PSAP: variants seen among roughly 807,000 people sequenced by gnomAD.
PSAP encodes prosaposin.
Under a neutral mutation model 66.0 loss-of-function variants are expected in PSAP, and 25 were observed. That is an observed-to-expected ratio of 0.38 (90% CI 0.28 to 0.53). The LOEUF is 0.53. Ranked by LOEUF, PSAP falls within the 20% of genes least tolerant of loss-of-function variation. The pLI is 0.83. For missense variants in PSAP, 649 were observed against 668.8 expected (o/e 0.97, Z 0.33); for synonymous variants, 273 against 258.9 (o/e 1.05, Z -0.52).
chr10:71,835,158 C>T (rs966504918), intron 1 of PSAP, among the ~76,000 whole-genome samples: 25 of 151,666 alleles, frequency 1.6e-4, no homozygotes, highest in African/African-American at 5.1e-4. Context: ...AGGAGAATGG[C>T]GTGAATCCGG....
At chr10:71,851,094 C>CA in intron 1 of PSAP, 88 bp downstream of exon 1, 2 of 1,451,626 alleles carry the variant, frequency 1.4e-6, no homozygotes, top group South Asian at 2.4e-5. Context: ...GCAGGGGGAG[C>CA]AGAGGGGCCA....
At chr10:71,850,047 A>G (rs1842898309) in intron 1 of PSAP, among the ~76,000 whole-genome samples, 1 of 124,606 alleles carries the variant, frequency 8.0e-6, no homozygotes, top group Non-Finnish European at 1.8e-5. Context: ...ATAACATTTT[A>G]TAAGACAAGG....
At chr10:71,840,929 GTTCA>G (rs1320526578) in intron 1 of PSAP, among the ~76,000 whole-genome samples, 1 of 152,228 alleles carries the variant, frequency 6.6e-6, no homozygotes, top group Non-Finnish European at 1.5e-5. Context: ...TTCCTAACTA[GTTCA>G]TTCAAGGGTA....
intron 1 of PSAP, among the ~76,000 whole-genome samples, chr10:71,841,689 A>G (rs1842736270): frequency 6.6e-6 from 1 of 152,194 alleles, no homozygotes; most frequent in African/African-American, 2.4e-5. Flanking sequence ...TGGGCAACAT[A>G]GTGAAACCCC....
chr10:71,842,774 A>G (rs1842751770), intron 1 of PSAP, among the ~76,000 whole-genome samples: 1 of 152,226 alleles, frequency 6.6e-6, no homozygotes, highest in South Asian at 2.1e-4. Context: ...CAACTATTAT[A>G]AAAGTCAACA....
At chr10:71,846,198 G>A (rs750304545) in intron 1 of PSAP, among the ~76,000 whole-genome samples, 5 of 152,048 alleles carry the variant, frequency 3.3e-5, no homozygotes, top group Admixed American at 1.3e-4. Flanking sequence ...GATGAAATAC[G>A]GGAGAGTTTA....
intron 11 of PSAP, 142 bp from the exon 12 acceptor site, chr10:71,819,253 T>C: frequency 2.0e-6 from 2 of 1,023,276 alleles, no homozygotes; most frequent in East Asian, 2.6e-5. Context: ...GGCCTCCCTT[T>C]CCAGACACCC....
chr10:71,829,563 A>T (rs1308711501), intron 4 of PSAP, among the ~76,000 whole-genome samples: 1 of 152,092 alleles, frequency 6.6e-6, no homozygotes, highest in African/African-American at 2.4e-5. Context: ...AGGCCCCCCC[A>T]GCCACGTGGA....
chr10:71,841,757 G>A (rs1028051770), intron 1 of PSAP, among the ~76,000 whole-genome samples: 3 of 152,130 alleles, frequency 2.0e-5, no homozygotes, highest in African/African-American at 7.2e-5. Flanking sequence ...TGTAATTCCA[G>A]CACTTTGGGA....
intron 9 of PSAP, 146 bp from the exon 10 acceptor site, chr10:71,820,046 C>T: frequency 1.1e-6 from 1 of 921,772 alleles, no homozygotes; most frequent in Admixed American, 2.0e-5. Flanking sequence ...CAAAGCAGGG[C>T]AATGGTGTCC....
chr10:71,817,140 C>T lies in PSAP; in HGVS notation c.*301G>A, dbSNP rs1345972030. On this transcript the variant is annotated 3_prime_UTR_variant, in exon 14 of 14. Transcript: ENST00000394936. ...ATGGCCTCCAGTCAAGAAACTGTGGCTCATGCCAGCAGAGCTCTCTCCTCC... is the reference window on the plus strand; with the variant it reads ...ATGGCCTCCAGTCAAGAAACTGTGGTTCATGCCAGCAGAGCTCTCTCCTCC... 4.1e-6 allele frequency: 2 copies of T among 493,242 alleles called. No individual in the cohort carries two copies. The highest frequency in any genetic ancestry group is 3.8e-5 in the East Asian group (1 of 26,162). 30.6% of individuals were successfully genotyped at this position (493,242 alleles called of 1,614,324 possible). A position where few individuals can be genotyped will look rare whatever the true frequency, so the allele number is the denominator to read the frequency against.
intron 7 of PSAP, chr10:71,822,210 T>C: frequency 4.5e-6 from 3 of 660,354 alleles, no homozygotes; most frequent in East Asian, 5.7e-5. Context: ...GCCAGTTACA[T>C]CTCGGGGAGG....
At chr10:71,820,018 C>T (rs527972668) in intron 9 of PSAP, 118 bp from the exon 10 acceptor site, 4 of 1,012,318 alleles carry the variant, frequency 4.0e-6, no homozygotes, top group East Asian at 2.6e-5. Flanking sequence ...TTTCCACCCA[C>T]AAAAAACTAC....
chr10:71,817,078 G>A lies in PSAP; in HGVS notation c.*363C>T, dbSNP rs1024024948. On this transcript the variant is annotated 3_prime_UTR_variant, in exon 14 of 14. Coordinates refer to ENST00000394936, the MANE Select transcript of PSAP (RefSeq NM_002778.4). ...CAGGCCCACCAGTGCCCAAGCACAT[G>A]TCAGGGCTCAGAACAAGGCCTCAAC... 8 of 402,026 alleles carry A rather than the reference G, an allele frequency of 2.0e-5. No individual in the cohort carries two copies. The highest frequency in any genetic ancestry group is 1.2e-4 in the African/African-American group (6 of 48,974). 24.9% of individuals were successfully genotyped at this position (402,026 alleles called of 1,614,324 possible).
intron 1 of PSAP, among the ~76,000 whole-genome samples, chr10:71,846,879 C>T (rs1464516665): frequency 1.3e-5 from 2 of 152,140 alleles, no homozygotes; most frequent in Non-Finnish European, 2.9e-5. Context: ...AGCCTGGTAG[C>T]CAGTAACCTA....
rs188604931 is a variant in PSAP, at chr10:71,846,567, A to G, written c.40+4615T>C. Reference sequence around the variant, plus strand: ...TGGCAAAACCCTTTCTCTACTAAAAATACAAAAATTAGCCAGGCATGGTGG... The same window carrying G: ...TGGCAAAACCCTTTCTCTACTAAAAGTACAAAAATTAGCCAGGCATGGTGG... On this transcript the variant is annotated intron_variant, in intron 1 of 13. Transcript: ENST00000394936. Among the ~76,000 whole-genome samples, 384 of 151,988 alleles carry G rather than the reference A, an allele frequency of 2.5e-3. 2 individuals are homozygous for G. Among genetic ancestry groups the G allele is most frequent in the African/African-American group, 8.7e-3 (362 of 41,456 alleles).
intron 13 of PSAP, among the ~76,000 whole-genome samples, chr10:71,817,721 G>A (rs1286887726): frequency 1.3e-5 from 2 of 151,026 alleles, no homozygotes; most frequent in Non-Finnish European, 3.0e-5. Flanking sequence ...GTTTGCAGAT[G>A]AGTACCCACG....
At chr10:71,824,077 G>A (rs1328620269) in intron 7 of PSAP, among the ~76,000 whole-genome samples, 4 of 152,288 alleles carry the variant, frequency 2.6e-5, no homozygotes, top group South Asian at 2.1e-4. Context: ...GCTATCTTGC[G>A]GACAAGGGGG....
chr10:71,828,826 A>T, intron 5 of PSAP, 51 bp downstream of exon 5: 1 of 1,601,974 alleles, frequency 6.2e-7, no homozygotes, highest in Non-Finnish European at 8.5e-7. Context: ...TTGGTCTCTC[A>T]TCTCCAGTGC....
Sources: gnomAD v4.1 joint callset for allele counts (sites outside exome capture counted in the v4.1 genomes callset) on GRCh38, gnomAD v4.1.1 for gene constraint, MANE v1.5 for transcripts, NCBI Gene and HGNC (gene_info 2026-07-23, HGNC 2026-07-21) for gene names.